Variants in TMEM108 observed in about 807,000 individuals in gnomAD.
TMEM108 encodes the protein cancer/testis antigen 124.
A neutral mutation model predicts 35.1 loss-of-function variants in TMEM108; 12 were observed. That is an observed-to-expected ratio of 0.34 (90% CI 0.22 to 0.55). The LOEUF (loss-of-function observed/expected upper bound fraction) is 0.55, where lower values mean the gene tolerates loss of function less well. TMEM108 is among the 20% of genes least tolerant of loss of function. TMEM108 has a pLI of 0.89. For missense variants in TMEM108, 680 were observed against 753.3 expected (o/e 0.90, Z 1.14); for synonymous variants, 287 against 308.6 (o/e 0.93, Z 0.73).
chr3:133,365,783 A>G (rs1211781611), intron 3 of TMEM108, among the ~76,000 whole-genome samples: 2 of 152,180 alleles, frequency 1.3e-5, no homozygotes, highest in Non-Finnish European at 2.9e-5. Context: ...AATGGGGGCC[A>G]GACCAAAATG....
intron 3 of TMEM108, among the ~76,000 whole-genome samples, chr3:133,333,978 C>CT (rs1043090486): frequency 6.6e-6 from 1 of 152,086 alleles, no homozygotes; most frequent in African/African-American, 2.4e-5. Context: ...GTGGAAGTTC[C>CT]TTTTTTTATA....
At chr3:133,133,454 A>C (rs1944518953) in intron 2 of TMEM108, among the ~76,000 whole-genome samples, 1 of 152,218 alleles carries the variant, frequency 6.6e-6, no homozygotes, top group South Asian at 2.1e-4. Context: ...TGTGAACATA[A>C]CTTTTATAGG....
chr3:133,295,185 G>C (rs1217885115), intron 3 of TMEM108, among the ~76,000 whole-genome samples: 1 of 152,176 alleles, frequency 6.6e-6, no homozygotes, highest in African/African-American at 2.4e-5. Context: ...TTTGGAGATT[G>C]ACATCAGTTA....
intron 3 of TMEM108, among the ~76,000 whole-genome samples, chr3:133,286,724 A>C (rs1946991014): frequency 6.6e-6 from 1 of 152,236 alleles, no homozygotes; most frequent in South Asian, 2.1e-4. Flanking sequence ...ATAGTATAAT[A>C]GCAAGGGGAA....
At chr3:133,136,384 A>G (rs1360962726) in intron 2 of TMEM108, among the ~76,000 whole-genome samples, 1 of 152,218 alleles carries the variant, frequency 6.6e-6, no homozygotes, top group Non-Finnish European at 1.5e-5. Context: ...TTTAATTAGA[A>G]AAGTATTTGC....
intron 2 of TMEM108, among the ~76,000 whole-genome samples, chr3:133,086,774 T>C (rs1943888228): frequency 6.6e-6 from 1 of 152,192 alleles, no homozygotes; most frequent in African/African-American, 2.4e-5. Context: ...CAAAAGACCT[T>C]GTTAGCAGAA....
intron 5 of TMEM108, 80 bp from the exon 6 acceptor site, chr3:133,395,784 C>A: frequency 7.3e-7 from 1 of 1,377,372 alleles, no homozygotes; most frequent in Non-Finnish European, 9.5e-7. Flanking sequence ...AATAAATGTT[C>A]CCATGTGTAC....
chr3:133,347,140 T>C (rs982939603), intron 3 of TMEM108, among the ~76,000 whole-genome samples: 2 of 152,160 alleles, frequency 1.3e-5, no homozygotes, highest in Non-Finnish European at 2.9e-5. Context: ...CCATATAAAC[T>C]TTATAATCAG....
chr3:133,370,647 C>G (rs903614355), intron 3 of TMEM108, among the ~76,000 whole-genome samples: 1 of 152,120 alleles, frequency 6.6e-6, no homozygotes, highest in Non-Finnish European at 1.5e-5. Context: ...TTTATTTTAT[C>G]AGAGGCTGAG....
chr3:133,207,100 A>T (rs900392962), intron 2 of TMEM108, among the ~76,000 whole-genome samples: 3 of 152,130 alleles, frequency 2.0e-5, no homozygotes, highest in Non-Finnish European at 4.4e-5. Context: ...TTTGTTTACA[A>T]TGTGAGGGGA....
intron 2 of TMEM108, among the ~76,000 whole-genome samples, chr3:133,101,572 A>G (rs1455986456): frequency 6.6e-6 from 1 of 152,230 alleles, no homozygotes; most frequent in Non-Finnish European, 1.5e-5. Flanking sequence ...TCTGGGCTTC[A>G]TTCCTGTTAA....
At chr3:133,309,819 G>A (rs1474122402) in intron 3 of TMEM108, among the ~76,000 whole-genome samples, 1 of 145,456 alleles carries the variant, frequency 6.9e-6, no homozygotes, top group African/African-American at 2.5e-5. Flanking sequence ...TCCTGCCTCA[G>A]CCTCCCAAGT....
intron 2 of TMEM108, among the ~76,000 whole-genome samples, chr3:133,171,909 C>A (rs542333011): frequency 6.6e-6 from 1 of 152,312 alleles, no homozygotes; most frequent in Non-Finnish European, 1.5e-5. Context: ...TGCATTCTCA[C>A]AATTTCCTGC....
chr3:133,152,962 T>C (rs1406836827), intron 2 of TMEM108, among the ~76,000 whole-genome samples: 1 of 152,072 alleles, frequency 6.6e-6, no homozygotes, highest in Non-Finnish European at 1.5e-5. Flanking sequence ...GATTCAATGT[T>C]TGGGCCTGTT....
intron 2 of TMEM108, among the ~76,000 whole-genome samples, chr3:133,200,377 C>T (rs926056272): frequency 2.0e-5 from 3 of 152,166 alleles, no homozygotes; most frequent in African/African-American, 7.2e-5. Context: ...ACACCTGAAC[C>T]AGAAAGCGAG....
chr3:133,128,763 C>T (rs1250794068), intron 2 of TMEM108, among the ~76,000 whole-genome samples: 1 of 152,186 alleles, frequency 6.6e-6, no homozygotes, highest in Non-Finnish European at 1.5e-5. Flanking sequence ...TTCCTAAGAT[C>T]CCACAGCAAG....
At chr3:133,277,142 C>G (rs746733732) in intron 3 of TMEM108, among the ~76,000 whole-genome samples, 1 of 151,830 alleles carries the variant, frequency 6.6e-6, no homozygotes, top group Non-Finnish European at 1.5e-5. Context: ...AAAAAAAGTT[C>G]CTATAAAGGA....
At chr3:133,331,769 A>G (rs2071396217) in intron 3 of TMEM108, among the ~76,000 whole-genome samples, 1 of 152,220 alleles carries the variant, frequency 6.6e-6, no homozygotes, top group African/African-American at 2.4e-5. Flanking sequence ...CAATCTTATT[A>G]GTACTTGTCA....
At chr3:133,245,270 A>G (rs1182753686) in intron 3 of TMEM108, among the ~76,000 whole-genome samples, 1 of 152,230 alleles carries the variant, frequency 6.6e-6, no homozygotes, top group Non-Finnish European at 1.5e-5. Context: ...CCAGATTCTC[A>G]GTGCAGTGTG....
Sources: allele counts gnomAD v4.1 joint callset (sites outside exome capture counted in the v4.1 genomes callset), GRCh38; gene constraint gnomAD v4.1.1; transcripts MANE v1.5; gene names NCBI Gene and HGNC (gene_info 2026-07-23, HGNC 2026-07-21).